PCDHA9: variants seen among roughly 807,000 people sequenced by gnomAD.
PCDHA9 encodes the protein protocadherin alpha 9.
PCDHA9 carries 62 observed loss-of-function variants against 62.0 expected under a neutral mutation model. The observed-to-expected ratio is 1.00, with a 90% CI of 0.81 to 1.23. The LOEUF is 1.23. Ranked by LOEUF, PCDHA9 falls within the 50% of genes most tolerant of loss-of-function variation. The pLI is 0.00. For missense variants in PCDHA9, 1,205 were observed against 1,249.8 expected (o/e 0.96, Z 0.54); for synonymous variants, 557 against 567.6 (o/e 0.98, Z 0.27).
intron 1 of PCDHA9, among the ~76,000 whole-genome samples, chr5:140,943,004 C>T (rs1248261862): frequency 6.6e-6 from 1 of 151,842 alleles, no homozygotes; most frequent in East Asian, 1.9e-4. Context: ...TGCCTGTAAT[C>T]CCAGCACTTT....
intron 1 of PCDHA9, chr5:140,884,501 G>A: frequency 1.9e-6 from 3 of 1,614,146 alleles, no homozygotes; most frequent in Middle Eastern, 1.6e-4. Context: ...CTCCAGCGCG[G>A]CAGGGAGTTG....
At position 140,929,044 on chromosome 5, in the gene PCDHA9, T is replaced by C. The variant is rs17844369; in HGVS notation, c.2395-49905T>C. ...GAGCCCAGGCTGTTGCGCTCAGAGC[T>C]GCTGTCGCTCTACAGAGGATCTGAG... On this transcript the variant is annotated intron_variant, in intron 1 of 3. Coordinates refer to ENST00000532602, the MANE Select transcript of PCDHA9 (RefSeq NM_031857.2). 7 of 1,614,100 alleles carry C rather than the reference T, an allele frequency of 4.3e-6. No individual in the cohort carries two copies. The East Asian group carries it at 1.6e-4, about 36-fold the overall frequency.
chr5:140,858,108 C>T (rs781859966), intron 1 of PCDHA9: 1 of 1,597,706 alleles, frequency 6.3e-7, no homozygotes, highest in South Asian at 1.1e-5. Context: ...GGCGTGGCGC[C>T]CGAGGTGGCC....
At position 141,010,838 on chromosome 5, in the gene PCDHA9, T is replaced by G. The variant is rs2154002200; in HGVS notation, c.*901T>G. 1.3e-5 allele frequency: 2 copies of G among 153,860 alleles called. No homozygotes were observed. The highest frequency in any genetic ancestry group is 2.9e-5 in the Non-Finnish European group (2 of 68,042). The allele number at this position is 153,860 out of a possible 1,614,324, so 9.5% of individuals were successfully genotyped here. On this transcript the variant is annotated 3_prime_UTR_variant, in exon 4 of 4. Coordinates refer to ENST00000532602, the MANE Select transcript of PCDHA9 (RefSeq NM_031857.2). ...TTTCGCTGTTTGTTGTTTCATAGAT[T>G]TATTTAAAAAAAGAGAAAGTCTATA...
chr5:140,938,485 T>C (rs2092087482), intron 1 of PCDHA9, among the ~76,000 whole-genome samples: 2 of 152,170 alleles, frequency 1.3e-5, no homozygotes, highest in African/African-American at 4.8e-5. Context: ...TTAAAAATCA[T>C]GAATAGGCAT....
chr5:140,848,888 A>C lies in PCDHA9; in HGVS notation c.393A>C (p.Pro131=). 1 of 1,564,652 alleles carries C rather than the reference A, an allele frequency of 6.4e-7. No individual in the cohort carries two copies. Among genetic ancestry groups the C allele is most frequent in the South Asian group, 1.1e-5 (1 of 89,168 alleles). The change falls in exon 1 of 4, where the codon CCA becomes CCC. Residue 131 remains proline (P), a synonymous_variant. Transcript: ENST00000532602. The stretch of plus-strand genomic sequence containing the variant: ...TGAAGGACATTAACGACAACCCTCC[A>C]GTGTTCCCAGCGACACAAAAGAATC... The part of the protein sequence containing the change: ...VEVKDINDNP[P]VFPATQKNLF...
chr5:140,911,884 C>A (rs1283685498), intron 1 of PCDHA9, among the ~76,000 whole-genome samples: 1 of 152,050 alleles, frequency 6.6e-6, no homozygotes, highest in Non-Finnish European at 1.5e-5. Flanking sequence ...CTCCTGGGAC[C>A]AAAATCTGTA....
At position 140,848,986 on chromosome 5, in the gene PCDHA9, AGAACGCC is replaced by A. The variant is rs2040724980; in HGVS notation, c.492_498del (p.Glu164AspfsTer7). 1 of 1,597,958 alleles carries A rather than the reference AGAACGCC, an allele frequency of 6.3e-7. No homozygotes were observed. The highest frequency in any genetic ancestry group is 1.4e-5 in the African/African-American group (1 of 72,864). ...GGCGCGTCCGATGCAGATATCGGGG[AGAACGCC>A]CTGCTCACTTACAGACTGAGCCCCA... On this transcript the variant is annotated frameshift_variant, in exon 1 of 4. Transcript: ENST00000532602. LOFTEE classifies it high-confidence loss of function.
At chr5:140,982,935 T>C (rs2097016879) in intron 3 of PCDHA9, among the ~76,000 whole-genome samples, 2 of 151,876 alleles carry the variant, frequency 1.3e-5, no homozygotes, top group African/African-American at 4.9e-5. Context: ...ACAAAGATCT[T>C]TTGGTTGAAG....
Position 140,856,234 on chromosome 5 carries a change from G to A in PCDHA9, c.2394+5345G>A. On this transcript the variant is annotated intron_variant, in intron 1 of 3. Transcript: ENST00000532602. ...AGCTGGCGGAGCTGGTGCAGCGCCT[G>A]TTCCGGGTGGCGTCCAAAAGACACG... 3 of 1,598,040 alleles carry A rather than the reference G, an allele frequency of 1.9e-6. 1 individual carries two copies. Among genetic ancestry groups the A allele is most frequent in the Non-Finnish European group, 2.6e-6 (3 of 1,167,878 alleles).
intron 1 of PCDHA9, chr5:140,868,997 G>T: frequency 6.6e-7 from 1 of 1,517,542 alleles, no homozygotes; most frequent in Non-Finnish European, 8.8e-7. Flanking sequence ...ACCGTTTAAG[G>T]ATCCTTTGAA....
intron 1 of PCDHA9, chr5:140,927,776 T>C (rs781966197): frequency 7.4e-6 from 12 of 1,614,140 alleles, no homozygotes; most frequent in South Asian, 1.1e-5. Flanking sequence ...GAGGTGCAAG[T>C]AGCTGCTTCA....
chr5:140,933,166 T>C (rs1447932546), intron 1 of PCDHA9, among the ~76,000 whole-genome samples: 1 of 152,002 alleles, frequency 6.6e-6, no homozygotes, highest in African/African-American at 2.4e-5. Context: ...CCAATTTTAA[T>C]TGATGGCATA....
chr5:140,989,403 G>A (rs1327699534), intron 3 of PCDHA9, among the ~76,000 whole-genome samples: 4 of 152,182 alleles, frequency 2.6e-5, no homozygotes, highest in African/African-American at 9.7e-5. Context: ...GGAGGGTGGA[G>A]AGTCTGCACT....
intron 1 of PCDHA9, among the ~76,000 whole-genome samples, chr5:140,895,802 CTGTATTGTAT>C (rs1289601886): frequency 6.6e-6 from 1 of 152,048 alleles, no homozygotes; most frequent in Admixed American, 6.6e-5. Context: ...ATGTACAATA[CTGTATTGTAT>C]TGTATTGTAT....
intron 1 of PCDHA9, among the ~76,000 whole-genome samples, chr5:140,954,350 GA>G (rs1255818394): frequency 6.6e-6 from 1 of 152,156 alleles, no homozygotes; most frequent in Non-Finnish European, 1.5e-5. Context: ...GATCTTTGAG[GA>G]ATCGCCACAC....
At chr5:140,883,040 G>A (rs994931084) in intron 1 of PCDHA9, 1 of 1,614,062 alleles carries the variant, frequency 6.2e-7, no homozygotes, top group Non-Finnish European at 8.5e-7. Flanking sequence ...CGCCTTCAAT[G>A]GAACATTAGT....
In PCDHA9 at chr5:140,848,538, C is replaced by T. The variant is rs1354116035; in HGVS notation, c.43C>T (p.Leu15=). 7 of 1,595,202 alleles carry T rather than the reference C, an allele frequency of 4.4e-6. No individual in the cohort carries two copies. The Admixed American group carries it at 1.0e-4, about 23-fold the overall frequency. ...AGGAGATCCAGAGGGTCAGCCTCTA[C>T]TGCTCTCGCTTCTGATCCTCGCAAT... is the stretch of plus-strand genomic sequence containing the variant. ...SRGDPEGQPL[L]LSLLILAMWV... The change falls in exon 1 of 4, where the codon CTG becomes TTG. Residue 15 remains leucine (L), a synonymous_variant. Transcript: ENST00000532602.
intron 1 of PCDHA9, among the ~76,000 whole-genome samples, chr5:140,964,392 C>A (rs2095829219): frequency 6.6e-6 from 1 of 152,072 alleles, no homozygotes; most frequent in African/African-American, 2.4e-5. Flanking sequence ...GGTTTTTCTC[C>A]CAAGACATGA....
Sources: allele counts gnomAD v4.1 joint callset (sites outside exome capture counted in the v4.1 genomes callset), GRCh38; gene constraint gnomAD v4.1.1; transcripts MANE v1.5; gene names NCBI Gene and HGNC (gene_info 2026-07-23, HGNC 2026-07-21).